ACACA: variants seen among roughly 807,000 people sequenced by gnomAD.
ACACA encodes the protein acetyl-CoA carboxylase alpha.
In ACACA, 103 loss-of-function variants were observed where a neutral mutation model predicts 296.1. That is an observed-to-expected ratio of 0.35 (90% CI 0.30 to 0.41). ACACA has a LOEUF of 0.41. Among genes scored for constraint, ACACA ranks in the 10% least tolerant of loss-of-function variants. The probability of loss-of-function intolerance (pLI) is 1.00; values close to 1 mark genes in which losing one functional copy is unlikely to be tolerated. For synonymous variants in ACACA, 953 were observed against 1,038.6 expected, an observed-to-expected ratio of 0.92 and a Z score of 1.58; for missense variants, 1,554 against 2,989.7, an observed-to-expected ratio of 0.52 and a Z score of 11.20.
intron 1 of ACACA, among the ~76,000 whole-genome samples, chr17:37,389,692 A>C (rs2050707116): frequency 6.6e-6 from 1 of 152,028 alleles, no homozygotes; most frequent in African/African-American, 2.4e-5. Context: ...GTCTCAAAAA[A>C]AAAAGAAAGA....
intron 45 of ACACA, among the ~76,000 whole-genome samples, chr17:37,134,172 GGCCTCT>G (rs2075233575): frequency 6.6e-6 from 1 of 152,178 alleles, no homozygotes; most frequent in African/African-American, 2.4e-5. Context: ...TCCATGCTCA[GGCCTCT>G]GCTGCTGCTG....
intron 39 of ACACA, among the ~76,000 whole-genome samples, chr17:37,183,798 A>G (rs986249293): frequency 7.2e-6 from 1 of 139,658 alleles, no homozygotes; most frequent in Admixed American, 7.1e-5. Context: ...TCTCAAAAGG[A>G]AAAAAAAAAA....
chr17:37,239,846 A>G (rs551930228), intron 24 of ACACA, among the ~76,000 whole-genome samples: 1 of 152,366 alleles, frequency 6.6e-6, no homozygotes, highest in Non-Finnish European at 1.5e-5. Flanking sequence ...AGGAGCAGAT[A>G]AAGGAAAATG....
intron 5 of ACACA, among the ~76,000 whole-genome samples, chr17:37,279,644 T>TAA (rs34306905): frequency 2.2e-4 from 28 of 129,614 alleles, no homozygotes; most frequent in South Asian, 5.0e-4. Flanking sequence ...AGACTCCGTC[T>TAA]AAAAAAAAAA....
chr17:37,378,001 C>T lies in ACACA; in HGVS notation c.38+28261G>A. On this transcript the variant is annotated intron_variant, in intron 1 of 55. Coordinates refer to ENST00000616317, the MANE Select transcript of ACACA (RefSeq NM_198834.3). ...GGTCCTTTCTGGAAAATGATATTGC[C>T]ATTCCAAAAAATTTTTACCTTTAAA... The T allele has an allele frequency of 1.9e-6, 3 of 1,583,060 alleles. No individual in the cohort carries two copies. In the East Asian group the frequency reaches 6.7e-5, roughly 35 times the overall value.
At chr17:37,190,970 A>T in intron 38 of ACACA, 150 bp downstream of exon 38, 1 of 1,010,070 alleles carries the variant, frequency 9.9e-7, no homozygotes, top group Non-Finnish European at 1.5e-6. Flanking sequence ...CCAGAAACTC[A>T]ATCTTATAAA....
intron 41 of ACACA, among the ~76,000 whole-genome samples, chr17:37,170,025 T>C (rs1418584848): frequency 2.0e-5 from 3 of 152,180 alleles, no homozygotes; most frequent in African/African-American, 7.2e-5. Flanking sequence ...TCCTAGGTAC[T>C]TACTACAAAT....
intron 1 of ACACA, among the ~76,000 whole-genome samples, chr17:37,359,787 C>T (rs1029488144): frequency 6.6e-6 from 1 of 152,132 alleles, no homozygotes; most frequent in Non-Finnish European, 1.5e-5. Flanking sequence ...AGCTAAGTAA[C>T]CCCATGCTGG....
chr17:37,157,738 G>A (rs2076308064), intron 42 of ACACA, among the ~76,000 whole-genome samples: 5 of 151,934 alleles, frequency 3.3e-5, no homozygotes, highest in Admixed American at 2.6e-4. Flanking sequence ...GTTTCACCAT[G>A]TTGGCCAGGC....
intron 1 of ACACA, chr17:37,389,384 T>G: frequency 1.3e-6 from 2 of 1,559,788 alleles, no homozygotes; most frequent in Non-Finnish European, 1.7e-6. Flanking sequence ...CTGTGTGGTT[T>G]ATGTCATTTG....
At chr17:37,323,159 G>A (rs1290756526) in intron 3 of ACACA, among the ~76,000 whole-genome samples, 1 of 152,292 alleles carries the variant, frequency 6.6e-6, no homozygotes, top group Non-Finnish European at 1.5e-5. Flanking sequence ...GAGCCCAAAA[G>A]TGCTTCCCAT....
At chr17:37,099,927 G>T (rs543821814) in intron 52 of ACACA, among the ~76,000 whole-genome samples, 24 of 152,240 alleles carry the variant, frequency 1.6e-4, no homozygotes, top group African/African-American at 5.5e-4. Flanking sequence ...TTAGAAAAAT[G>T]CAGGAGCCAG....
intron 1 of ACACA, among the ~76,000 whole-genome samples, chr17:37,353,631 TC>T (rs1303927733): frequency 5.4e-5 from 4 of 74,424 alleles, no homozygotes; most frequent in African/African-American, 2.2e-4. Context: ...AGAGCAAGAC[TC>T]CGTCTAAAAA....
chr17:37,314,950 C>CT (rs71284913), intron 3 of ACACA, among the ~76,000 whole-genome samples: 4,247 of 60,866 alleles, frequency 0.07, 365 homozygotes, highest in Non-Finnish European at 0.089. Flanking sequence ...GCCAGGAATG[C>CT]TTTTTTTTTT....
In ACACA at chr17:37,089,996, C is replaced by T. The variant is rs147401528; in HGVS notation, c.6892-922G>A. ...GCTTGTCATTTAAAGGTGCGCTATC[C>T]TTCTCTGTTATCACTAACGAAGTCA... On this transcript the variant is annotated intron_variant, in intron 54 of 55. Coordinates refer to ENST00000616317, the MANE Select transcript of ACACA (RefSeq NM_198834.3). 6.7e-3 allele frequency among the ~76,000 whole-genome samples: 1,013 copies of T among 152,292 alleles called. 7 individuals are homozygous for T. Among genetic ancestry groups the T allele is most frequent in the Middle Eastern group, 0.038 (11 of 292 alleles).
intron 24 of ACACA, among the ~76,000 whole-genome samples, chr17:37,239,272 C>T (rs977902051): frequency 1.3e-5 from 2 of 152,036 alleles, no homozygotes; most frequent in African/African-American, 4.8e-5. Flanking sequence ...TCTGTGAATC[C>T]TTTGAGGCTT....
chr17:37,200,118 A>G (rs1392453503), intron 35 of ACACA, 21 bp downstream of exon 35: 1 of 1,553,264 alleles, frequency 6.4e-7, no homozygotes, highest in Non-Finnish European at 8.9e-7. Context: ...GTAATCTTTC[A>G]TTATTGTTCA....
At chr17:37,260,289 TATATA>T (rs1323521403) in intron 11 of ACACA, among the ~76,000 whole-genome samples, 66 of 20,166 alleles carry the variant, frequency 3.3e-3, no homozygotes, top group East Asian at 0.011. Context: ...TATATATATA[TATATA>T]TATTTTTTTT....
intron 3 of ACACA, among the ~76,000 whole-genome samples, chr17:37,288,194 ATCACT>A (rs1415601103): frequency 1.3e-5 from 2 of 152,144 alleles, no homozygotes; most frequent in African/African-American, 4.8e-5. Flanking sequence ...CATTTTTTTA[ATCACT>A]TCATTTTTCT....
Sources: allele counts gnomAD v4.1 joint callset (sites outside exome capture counted in the v4.1 genomes callset), GRCh38; gene constraint gnomAD v4.1.1; transcripts MANE v1.5; gene names NCBI Gene and HGNC (gene_info 2026-07-23, HGNC 2026-07-21).